The following MRPL57 variants were observed in gnomAD, a reference collection of about 807,000 sequenced individuals.
MRPL57 encodes mitochondrial ribosomal protein L57.
In MRPL57, 1 loss-of-function variant was observed where a neutral mutation model predicts 1.3. The observed-to-expected ratio is 0.79, with a 90% CI of 0.28 to 3.75. MRPL57 has a LOEUF of 3.75. Among genes scored for constraint, MRPL57 ranks in the 30% most tolerant of loss-of-function variants. The pLI is 0.19. For synonymous variants in MRPL57, 79 were observed against 61.7 expected, an observed-to-expected ratio of 1.28 and a Z score of -1.31; for missense variants, 170 against 148.9, an observed-to-expected ratio of 1.14 and a Z score of -0.74.
At position 21,177,017 on chromosome 13, in the gene MRPL57, A is replaced by G; in HGVS notation, c.101A>G (p.Asn34Ser). 1 of 1,613,156 alleles carries G rather than the reference A, an allele frequency of 6.2e-7. No homozygotes were observed. Among genetic ancestry groups the G allele is most frequent in the African/African-American group, 1.3e-5 (1 of 75,066 alleles). ...TTCGTGTCGTTGCGCGCCAAGCAGAACATGATCCGCCGCCTGGAGATCGAG... is the reference window on the plus strand; with the variant it reads ...TTCGTGTCGTTGCGCGCCAAGCAGAGCATGATCCGCCGCCTGGAGATCGAG... ...PRFVSLRAKQ[N>S]MIRRLEIEAE... Residue 34 changes from asparagine (N) to serine (S), a missense_variant, in exon 2 of 2, where the codon AAC becomes AGC. Asn to Ser is a conservative substitution (Grantham distance 46). Coordinates refer to ENST00000309594, the MANE Select transcript of MRPL57 (RefSeq NM_024026.5).
rs1257581307 is a variant in MRPL57, at chr13:21,177,206, T to G, written c.290T>G (p.Val97Gly). The change falls in exon 2 of 2, where the codon GTC (valine) becomes GGC (glycine). Residue 97 changes from valine (V) to glycine (G), a missense_variant. Coordinates refer to ENST00000309594, the MANE Select transcript of MRPL57 (RefSeq NM_024026.5). ...GCGGACCAGCTCGACCATCTCAATG[T>G]CACCAAGAAATGGTCCTAATCCTGA... ...FIADQLDHLN[V>G]TKKWS The G allele has an allele frequency of 6.2e-7, 1 of 1,613,998 alleles. No individual in the cohort carries two copies. The highest frequency in any genetic ancestry group is 1.1e-5 in the South Asian group (1 of 91,074).
rs1871669434 is a variant in MRPL57, at chr13:21,177,835, G to C, written c.*610G>C. On this transcript the variant is annotated 3_prime_UTR_variant, in exon 2 of 2. Coordinates refer to ENST00000309594, the MANE Select transcript of MRPL57 (RefSeq NM_024026.5). ...ACAAAAAAAATTAGCTGGGTATGTTGGTGCAGGCTTGCAATCCCAGCTACT... is the reference window on the plus strand; with the variant it reads ...ACAAAAAAAATTAGCTGGGTATGTTCGTGCAGGCTTGCAATCCCAGCTACT... 1 of 164,288 alleles carries C rather than the reference G, an allele frequency of 6.1e-6. No individual in the cohort carries two copies. The highest frequency in any genetic ancestry group is 1.5e-5 in the Non-Finnish European group (1 of 68,264). The allele number at this position is 164,288 out of a possible 1,614,324, so 10.2% of individuals were successfully genotyped here.
rs767426736 is a variant in MRPL57 at position 21,177,167 on chromosome 13, C to A, written c.251C>A (p.Pro84Gln). 2.0e-5 allele frequency: 32 copies of A among 1,614,056 alleles called. 1 individual carries two copies. The Admixed American group carries it at 4.8e-4, about 24-fold the overall frequency. ...IKAAATSKFPPHRFIADQLDH... is the reference protein window; with the variant it reads ...IKAAATSKFPQHRFIADQLDH... ...GCGGCCGCCACTTCCAAGTTCCCCC[C>A]GCATAGATTCATTGCGGACCAGCTC... is the stretch of plus-strand genomic sequence containing the variant. The change falls in exon 2 of 2, where the codon CCG becomes CAG. Residue 84 changes from proline (P) to glutamine (Q), a missense_variant. Coordinates refer to ENST00000309594, the MANE Select transcript of MRPL57 (RefSeq NM_024026.5).
chr13:21,177,126 C>A lies in MRPL57; in HGVS notation c.210C>A (p.Ala70=). 6.2e-7 allele frequency: 1 copy of A among 1,614,004 alleles called. No homozygotes were observed. The highest frequency in any genetic ancestry group is 8.5e-7 in the Non-Finnish European group (1 of 1,180,032). ...ACGCCGCGGTGCGCAGGAGGGAGGC[C>A]TTCGAGGCCATAAAGGCGGCCGCCA... is the stretch of plus-strand genomic sequence containing the variant. ...RGHAAVRRRE[A]FEAIKAAATS... is the part of the protein sequence containing the mutation. The change falls in exon 2 of 2, where the codon GCC becomes GCA. Residue 70 remains alanine, a synonymous_variant. Transcript: ENST00000309594.
chr13:21,177,518 T>G lies in MRPL57; in HGVS notation c.*293T>G. 2.3e-6 allele frequency: 1 copy of G among 433,538 alleles called. No individual in the cohort carries two copies. The highest frequency in any genetic ancestry group is 4.3e-6 in the Non-Finnish European group (1 of 234,684). 26.9% of individuals were successfully genotyped at this position (433,538 alleles called of 1,614,324 possible). On this transcript the variant is annotated 3_prime_UTR_variant, in exon 2 of 2. Coordinates refer to ENST00000309594, the MANE Select transcript of MRPL57 (RefSeq NM_024026.5). Reference sequence around the variant, plus strand: ...ATAAAGCCACAATGATTTGAGGTCTTTGCTTAAGTATGAGATACTTGATGG... The same window carrying G: ...ATAAAGCCACAATGATTTGAGGTCTGTGCTTAAGTATGAGATACTTGATGG...
Position 21,177,285 on chromosome 13 carries a change from T to G in MRPL57, c.*60T>G, listed in dbSNP as rs1595311443. On this transcript the variant is annotated 3_prime_UTR_variant, in exon 2 of 2. Transcript: ENST00000309594. ...GGAGCTGACCATCTTTACCTGGTCC[T>G]GGAACTGAAAAACTGTAGCTTGTGT... 4.5e-6 allele frequency: 7 copies of G among 1,551,374 alleles called. No individual in the cohort carries two copies. The highest frequency in any genetic ancestry group is 1.1e-5 in the South Asian group (1 of 86,982).
rs1001517484 is a variant in MRPL57, at chr13:21,177,331, G to C, written c.*106G>C. On this transcript the variant is annotated 3_prime_UTR_variant, in exon 2 of 2. Transcript: ENST00000309594. ...TGTGTGAAAATGAGCCTTTGGACCAGTCTTTATTAAAACAAACAAACATGA... is the reference window on the plus strand; with the variant it reads ...TGTGTGAAAATGAGCCTTTGGACCACTCTTTATTAAAACAAACAAACATGA... 6 of 1,200,382 alleles carry C rather than the reference G, an allele frequency of 5.0e-6. No individual in the cohort carries two copies. The highest frequency in any genetic ancestry group is 7.1e-6 in the Non-Finnish European group (6 of 846,160). 74.4% of individuals were successfully genotyped at this position (1,200,382 alleles called of 1,614,324 possible). A position where few individuals can be genotyped will look rare whatever the true frequency, so the allele number is the denominator to read the frequency against.
rs973828839 is a variant in MRPL57, at chr13:21,176,707, C to G, written c.-16C>G. On this transcript the variant is annotated 5_prime_UTR_variant, in exon 1 of 2. Transcript: ENST00000309594. ...GGCCGCGGAGACGCAGAGTCTTGAG[C>G]AGCGCGGCAGGTGAGTAGCTGTGCG... The G allele has an allele frequency of 3.9e-5, 26 of 672,736 alleles. No individual in the cohort carries two copies. Among genetic ancestry groups the G allele is most frequent in the Admixed American group, 3.1e-4 (10 of 32,340 alleles). The allele number at this position is 672,736 out of a possible 1,614,324, so 41.7% of individuals were successfully genotyped here.
Position 21,176,662 on chromosome 13 carries a change from A to C in MRPL57, c.-61A>C, listed in dbSNP as rs1445237049. 1.5e-6 allele frequency: 1 copy of C among 678,208 alleles called. No individual in the cohort carries two copies. Among genetic ancestry groups the C allele is most frequent in the Non-Finnish European group, 2.4e-6 (1 of 416,958 alleles). 42.0% of individuals were successfully genotyped at this position (678,208 alleles called of 1,614,324 possible). ...GAGACCCCGCGAGACGGGTGCGCTT[A>C]CGCCACGGCGTCTGCTGGCGGCCGC... On this transcript the variant is annotated 5_prime_UTR_variant, in exon 1 of 2. Transcript: ENST00000309594.
chr13:21,178,536 C>T lies in MRPL57; in HGVS notation c.*1311C>T, dbSNP rs530933374. The T allele has an allele frequency of 5.3e-4, 88 of 166,952 alleles. No homozygotes were observed. Among genetic ancestry groups the T allele is most frequent in the Non-Finnish European group, 1.1e-3 (78 of 68,134 alleles). 10.3% of individuals were successfully genotyped at this position (166,952 alleles called of 1,614,324 possible). A position where few individuals can be genotyped will look rare whatever the true frequency, so the allele number is the denominator to read the frequency against. ...AAAGAACTTTGTCAAAGTTGTATGG[C>T]TGAGGCCCACACGGTGGCTCACTTC... On this transcript the variant is annotated 3_prime_UTR_variant, in exon 2 of 2. Coordinates refer to ENST00000309594, the MANE Select transcript of MRPL57 (RefSeq NM_024026.5).
rs754658498 is a variant in MRPL57 at position 21,177,064 on chromosome 13, A to AGCATG, written c.149_153dup (p.Pro52AlafsTer5). ...CGAGGCGGAGAACCATTACTGGCTGAGCATGCCCTACATGACCCGGGAGCA... is the reference window on the plus strand; with the variant it reads ...CGAGGCGGAGAACCATTACTGGCTGAGCATGGCATGCCCTACATGACCCGGGAGCA... On this transcript the variant is annotated frameshift_variant, in exon 2 of 2. Transcript: ENST00000309594. LOFTEE classifies it low-confidence loss of function (END_TRUNC). 1 of 1,613,794 alleles carries AGCATG rather than the reference A, an allele frequency of 6.2e-7. No individual in the cohort carries two copies.
At position 21,177,328 on chromosome 13, in the gene MRPL57, C is replaced by A; in HGVS notation, c.*103C>A. On this transcript the variant is annotated 3_prime_UTR_variant, in exon 2 of 2. Coordinates refer to ENST00000309594, the MANE Select transcript of MRPL57 (RefSeq NM_024026.5). ...GCTTGTGTGAAAATGAGCCTTTGGA[C>A]CAGTCTTTATTAAAACAAACAAACA... 1 of 1,229,070 alleles carries A rather than the reference C, an allele frequency of 8.1e-7. No individual in the cohort carries two copies. Among genetic ancestry groups the A allele is most frequent in the Non-Finnish European group, 1.2e-6 (1 of 869,086 alleles). 76.1% of individuals were successfully genotyped at this position (1,229,070 alleles called of 1,614,324 possible).
chr13:21,176,896 T>C lies in MRPL57; in HGVS notation c.-5-16T>C. ...CGCCAGTTCGCCTCCGCAAAGCCCGTCCCTCTCTTCCGCAGGCACCATGTT... is the reference window on the plus strand; with the variant it reads ...CGCCAGTTCGCCTCCGCAAAGCCCGCCCCTCTCTTCCGCAGGCACCATGTT... On this transcript the variant is annotated splice_polypyrimidine_tract_variant and intron_variant, in intron 1 of 1. Coordinates refer to ENST00000309594, the MANE Select transcript of MRPL57 (RefSeq NM_024026.5). 2 of 1,598,204 alleles carry C rather than the reference T, an allele frequency of 1.3e-6. No individual in the cohort carries two copies. Among genetic ancestry groups the C allele is most frequent in the Non-Finnish European group, 1.7e-6 (2 of 1,175,762 alleles).
chr13:21,176,963 A>G lies in MRPL57; in HGVS notation c.47A>G (p.Gln16Arg). ...TGGCGCGGCCGCATTCCCGGCCGTC[A>G]GTGGATCGGGAAGCACCGGCGGCCG... Reference protein sequence around the residue: ...LLWRGRIPGRQWIGKHRRPRF... With the variant: ...LLWRGRIPGRRWIGKHRRPRF... Residue 16 changes from glutamine (Q) to arginine (R), a missense_variant, in exon 2 of 2, where the codon CAG (glutamine) becomes CGG (arginine). Gln to Arg is a conservative substitution (Grantham distance 43, BLOSUM62 1). Coordinates refer to ENST00000309594, the MANE Select transcript of MRPL57 (RefSeq NM_024026.5). 2 of 1,611,916 alleles carry G rather than the reference A, an allele frequency of 1.2e-6. No homozygotes were observed. The highest frequency in any genetic ancestry group is 1.7e-6 in the Non-Finnish European group (2 of 1,179,824).
rs1653006826 is a variant in MRPL57, at chr13:21,178,117, A to C, written c.*892A>C. On this transcript the variant is annotated 3_prime_UTR_variant, in exon 2 of 2. Coordinates refer to ENST00000309594, the MANE Select transcript of MRPL57 (RefSeq NM_024026.5). The stretch of plus-strand genomic sequence containing the variant: ...AATATTGCTTGAGTCCAGCTTGGGC[A>C]ACATAGCGAGACCCTATCTAAAATA... 6.0e-6 allele frequency: 1 copy of C among 166,442 alleles called. No individual in the cohort carries two copies. Among genetic ancestry groups the C allele is most frequent in the African/African-American group, 2.4e-5 (1 of 41,440 alleles). The allele number at this position is 166,442 out of a possible 1,614,324, so 10.3% of individuals were successfully genotyped here. A position where few individuals can be genotyped will look rare whatever the true frequency, so the allele number is the denominator to read the frequency against.
Position 21,178,892 on chromosome 13 carries a change from C to G in MRPL57, c.*1667C>G, listed in dbSNP as rs1054796460. 4 of 166,316 alleles carry G rather than the reference C, an allele frequency of 2.4e-5. No homozygotes were observed. The highest frequency in any genetic ancestry group is 9.7e-5 in the African/African-American group (4 of 41,446). 10.3% of individuals were successfully genotyped at this position (166,316 alleles called of 1,614,324 possible). ...CTGAGGAAGGAGAATTGCTTGAACCCAGGTGGTGGAGGTTGCAGTGAGCTG... is the reference window on the plus strand; with the variant it reads ...CTGAGGAAGGAGAATTGCTTGAACCGAGGTGGTGGAGGTTGCAGTGAGCTG... On this transcript the variant is annotated 3_prime_UTR_variant, in exon 2 of 2. Transcript: ENST00000309594.
Position 21,179,079 on chromosome 13 carries a change from C to A in MRPL57, c.*1854C>A, listed in dbSNP as rs1871734594. On this transcript the variant is annotated 3_prime_UTR_variant, in exon 2 of 2. Coordinates refer to ENST00000309594, the MANE Select transcript of MRPL57 (RefSeq NM_024026.5). ...GCTTTCAGAATATAATAAAAATAGT[C>A]AAAAACTTTGTGTTTCTAAATACAT... The A allele has an allele frequency of 6.0e-6, 1 of 166,992 alleles. No homozygotes were observed. The highest frequency in any genetic ancestry group is 2.4e-5 in the African/African-American group (1 of 41,414). 10.3% of individuals were successfully genotyped at this position (166,992 alleles called of 1,614,324 possible). A position where few individuals can be genotyped will look rare whatever the true frequency, so the allele number is the denominator to read the frequency against.
At chr13:21,176,834 T>G in intron 1 of MRPL57, 78 bp from the exon 2 acceptor site, 1 of 1,475,450 alleles carries the variant, frequency 6.8e-7, no homozygotes, top group Non-Finnish European at 9.1e-7. Context: ...AGGCGTGAGC[T>G]GGAGCGCGCG....
Position 21,176,671 on chromosome 13 carries a change from C to G in MRPL57, c.-52C>G. Reference sequence around the variant, plus strand: ...CGAGACGGGTGCGCTTACGCCACGGCGTCTGCTGGCGGCCGCGGAGACGCA... The same window carrying G: ...CGAGACGGGTGCGCTTACGCCACGGGGTCTGCTGGCGGCCGCGGAGACGCA... On this transcript the variant is annotated 5_prime_UTR_variant, in exon 1 of 2. Transcript: ENST00000309594. 10 of 664,688 alleles carry G rather than the reference C, an allele frequency of 1.5e-5. No individual in the cohort carries two copies. The highest frequency in any genetic ancestry group is 2.5e-5 in the Non-Finnish European group (10 of 406,208). The allele number at this position is 664,688 out of a possible 1,614,324, so 41.2% of individuals were successfully genotyped here.
Sources: allele counts gnomAD v4.1 joint callset, GRCh38; gene constraint gnomAD v4.1.1; transcripts MANE v1.5; gene names NCBI Gene and HGNC (gene_info 2026-07-23, HGNC 2026-07-21).